The following CREB5 variants were observed in gnomAD, a reference collection of about 807,000 sequenced individuals.
CREB5 encodes cAMP responsive element binding protein 5, also known as cyclic AMP-responsive element-binding protein 5.
In CREB5, 19 loss-of-function variants were observed where a neutral mutation model predicts 57.1. The observed-to-expected ratio is 0.33, with a 90% CI of 0.23 to 0.49. CREB5 has a LOEUF of 0.49. Ranked by LOEUF, CREB5 falls within the 20% of genes least tolerant of loss-of-function variation. The pLI, the probability that CREB5 is intolerant of heterozygous loss-of-function variation, is 0.99. For synonymous variants in CREB5, 238 were observed against 238.3 expected (o/e 1.00, Z 0.01); for missense variants, 579 against 671.6 (o/e 0.86, Z 1.52).
intron 1 of CREB5, among the ~76,000 whole-genome samples, chr7:28,391,189 A>C (rs1256829774): frequency 1.3e-5 from 2 of 152,200 alleles, no homozygotes. Context: ...TTAATATTAC[A>C]TCATAATTTT....
intron 5 of CREB5, among the ~76,000 whole-genome samples, chr7:28,629,986 AC>A (rs1252782683): frequency 1.3e-5 from 2 of 152,108 alleles, no homozygotes; most frequent in Admixed American, 6.5e-5. Flanking sequence ...TCCCAATCCA[AC>A]CTTCCAATCC....
intron 5 of CREB5, among the ~76,000 whole-genome samples, chr7:28,611,736 G>A (rs1797397392): frequency 6.6e-6 from 1 of 151,208 alleles, no homozygotes; most frequent in Non-Finnish European, 1.5e-5. Context: ...TGCGAGGTAG[G>A]GAGTGGGGTG....
At chr7:28,397,804 GCCA>G (rs1787369989) in intron 1 of CREB5, among the ~76,000 whole-genome samples, 1 of 152,128 alleles carries the variant, frequency 6.6e-6, no homozygotes, top group Non-Finnish European at 1.5e-5. Flanking sequence ...ACCCTATGAA[GCCA>G]GTATCATTGT....
intron 5 of CREB5, among the ~76,000 whole-genome samples, chr7:28,642,570 A>C (rs1437161761): frequency 6.6e-6 from 1 of 152,180 alleles, no homozygotes; most frequent in African/African-American, 2.4e-5. Context: ...ATGCTTTAAT[A>C]CGATTTGCCA....
chr7:28,344,817 A>T (rs1365477208), intron 1 of CREB5, among the ~76,000 whole-genome samples: 1 of 152,196 alleles, frequency 6.6e-6, no homozygotes. Context: ...AAGGTAGAAG[A>T]TATTCCATGC....
chr7:28,723,904 A>C (rs552765776), intron 6 of CREB5, among the ~76,000 whole-genome samples: 12 of 152,342 alleles, frequency 7.9e-5, no homozygotes, highest in African/African-American at 2.9e-4. Flanking sequence ...CAGCCATACA[A>C]ATAAGCACTA....
In CREB5 at chr7:28,412,912, A is replaced by G. The variant is rs767400361; in HGVS notation, c.-3A>G. Reference sequence around the variant, plus strand: ...ACACGTTGCTGCTTTTATTCTACAGATAATGGTAAGGATGATGTTTATTAT... The same window carrying G: ...ACACGTTGCTGCTTTTATTCTACAGGTAATGGTAAGGATGATGTTTATTAT... On this transcript the variant is annotated 5_prime_UTR_variant, in exon 1 of 11. Transcript: ENST00000357727. 1.3e-5 allele frequency: 20 copies of G among 1,489,584 alleles called. No homozygotes were observed. In the Middle Eastern group the frequency reaches 5.4e-4, roughly 40 times the overall value. 92.3% of individuals were successfully genotyped at this position (1,489,584 alleles called of 1,614,324 possible).
At chr7:28,727,412 T>C (rs1803386096) in intron 7 of CREB5, among the ~76,000 whole-genome samples, 1 of 152,070 alleles carries the variant, frequency 6.6e-6, no homozygotes, top group East Asian at 1.9e-4. Flanking sequence ...AGAAATTCAC[T>C]GATAGATACC....
intron 4 of CREB5, among the ~76,000 whole-genome samples, chr7:28,564,243 T>A (rs1795395503): frequency 6.6e-6 from 1 of 152,196 alleles, no homozygotes; most frequent in Non-Finnish European, 1.5e-5. Context: ...CCTGGCTCTT[T>A]ATGGAAAATC....
chr7:28,533,230 C>T (rs1168012302), intron 4 of CREB5, among the ~76,000 whole-genome samples: 1 of 152,062 alleles, frequency 6.6e-6, no homozygotes, highest in Non-Finnish European at 1.5e-5. Flanking sequence ...AAAGAGCCAG[C>T]CTTTAAGGAA....
chr7:28,560,815 T>G, intron 4 of CREB5, among the ~76,000 whole-genome samples: 1 of 136,876 alleles, frequency 7.3e-6, no homozygotes. Flanking sequence ...TGCGCGTGTG[T>G]GTGTGTGCGC....
At chr7:28,676,231 C>T (rs1270667695) in intron 5 of CREB5, among the ~76,000 whole-genome samples, 1 of 152,198 alleles carries the variant, frequency 6.6e-6, no homozygotes, top group African/African-American at 2.4e-5. Flanking sequence ...TCCAAATCTA[C>T]ACACAGATTA....
intron 4 of CREB5, among the ~76,000 whole-genome samples, chr7:28,529,910 C>T (rs560039668): frequency 6.6e-6 from 1 of 152,304 alleles, no homozygotes; most frequent in Non-Finnish European, 1.5e-5. Flanking sequence ...GATAATCACA[C>T]CAGCTATTGT....
chr7:28,759,975 T>C (rs1267925666), intron 7 of CREB5, among the ~76,000 whole-genome samples: 1 of 152,212 alleles, frequency 6.6e-6, no homozygotes, highest in African/African-American at 2.4e-5. Flanking sequence ...TCTAACCACA[T>C]ACAAATAGGT....
At chr7:28,504,638 T>G (rs1200317903) in intron 3 of CREB5, among the ~76,000 whole-genome samples, 1 of 152,204 alleles carries the variant, frequency 6.6e-6, no homozygotes, top group Non-Finnish European at 1.5e-5. Context: ...AAAGTTTTTT[T>G]TGTTGTTACT....
At chr7:28,409,819 T>A (rs773400280), upstream of CREB5, 4 of 450,426 alleles carry the variant, frequency 8.9e-6, no homozygotes, top group South Asian at 6.3e-5. This position sits in a 1 kb window ranked among gnomAD's most constrained non-coding sequence, Gnocchi z 4.4. Context: ...CCGCCCGGCG[T>A]GCGTGCGTGT....
chr7:28,623,993 G>A (rs1797900496), intron 5 of CREB5, among the ~76,000 whole-genome samples: 1 of 152,140 alleles, frequency 6.6e-6, no homozygotes, highest in Non-Finnish European at 1.5e-5. Flanking sequence ...TGATGGTGGT[G>A]ATGACAACTT....
upstream of CREB5, among the ~76,000 whole-genome samples, chr7:28,409,178 G>A (rs929346727): frequency 6.6e-6 from 1 of 151,462 alleles, no homozygotes; most frequent in Non-Finnish European, 1.5e-5. The surrounding 1 kb of genome is among the most constrained non-coding windows in gnomAD (Gnocchi z 4.4). Flanking sequence ...GGGTGCACCA[G>A]GGTCCGCGCG....
In CREB5 at chr7:28,674,088, T is replaced by C. The variant is rs370032579; in HGVS notation, c.465-44665T>C. On this transcript the variant is annotated intron_variant, in intron 5 of 10. Coordinates refer to ENST00000357727, the MANE Select transcript of CREB5 (RefSeq NM_182898.4). ...CAGGGTGCATAGGCAGCAGGGTATTTAAAAGCTTTTGGACTCACGCAGATT... is the reference window on the plus strand; with the variant it reads ...CAGGGTGCATAGGCAGCAGGGTATTCAAAAGCTTTTGGACTCACGCAGATT... Among the ~76,000 whole-genome samples the C allele has an allele frequency of 8.5e-5, 13 of 152,126 alleles. No individual in the cohort carries two copies. The East Asian group carries it at 1.5e-3, about 18-fold the overall frequency.
Sources: allele counts gnomAD v4.1 joint callset (sites outside exome capture counted in the v4.1 genomes callset), GRCh38; gene constraint gnomAD v4.1.1; non-coding constraint Gnocchi (gnomAD v3.1); transcripts MANE v1.5; gene names NCBI Gene and HGNC (gene_info 2026-07-23, HGNC 2026-07-21).